Variants in ADAMTS10 observed in about 807,000 individuals in gnomAD.
The protein encoded by ADAMTS10 is ADAM metallopeptidase with thrombospondin type 1 motif 10, also known as A disintegrin and metalloproteinase with thrombospondin motifs 10.
ADAMTS10 carries 48 observed loss-of-function variants against 135.9 expected under a neutral mutation model. That is an observed-to-expected ratio of 0.35 (90% CI 0.28 to 0.45). ADAMTS10 has a LOEUF of 0.45. Ranked by LOEUF, ADAMTS10 falls within the 20% of genes least tolerant of loss-of-function variation. ADAMTS10 has a pLI of 1.00. For missense variants in ADAMTS10, 1,131 were observed against 1,565.2 expected, an observed-to-expected ratio of 0.72 and a Z score of 4.68; for synonymous variants, 621 against 647.5, an observed-to-expected ratio of 0.96 and a Z score of 0.62.
intron 13 of ADAMTS10, 37 bp from the exon 14 acceptor site, chr19:8,592,140 C>T (rs1555739135): frequency 6.2e-7 from 1 of 1,613,180 alleles, no homozygotes; most frequent in Non-Finnish European, 8.5e-7. Flanking sequence ...GAGTCCAGCC[C>T]GGAGGACACT....
intron 12 of ADAMTS10, 60 bp downstream of exon 12, chr19:8,595,702 T>TCCCCCC: frequency 1.1e-6 from 1 of 894,222 alleles, no homozygotes; most frequent in Non-Finnish European, 1.7e-6. Flanking sequence ...TGGAGTTCCC[T>TCCCCCC]CCCCCAGCCC....
chr19:8,595,200 TG>T (rs2042587650), intron 12 of ADAMTS10, among the ~76,000 whole-genome samples: 1 of 152,052 alleles, frequency 6.6e-6, no homozygotes, highest in Non-Finnish European at 1.5e-5. Context: ...TTCAGCTTCC[TG>T]GGGGGAGCTG....
chr19:8,586,304 A>G (rs1555737147), intron 21 of ADAMTS10, 40 bp downstream of exon 21: 2 of 1,613,364 alleles, frequency 1.2e-6, no homozygotes, highest in South Asian at 2.2e-5. Flanking sequence ...AGAGAACCTC[A>G]GCCCAGGTAT....
At chr19:8,597,211 G>A (rs782417967) in intron 7 of ADAMTS10, 23 bp downstream of exon 7, 166 of 1,613,990 alleles carry the variant, frequency 1.0e-4, no homozygotes, top group Non-Finnish European at 1.4e-4. Context: ...AGGGGAAGGG[G>A]AAGGGGAGGA....
chr19:8,588,149 G>A (rs998330462), intron 18 of ADAMTS10, among the ~76,000 whole-genome samples: 10 of 152,108 alleles, frequency 6.6e-5, no homozygotes, highest in African/African-American at 4.8e-5. Context: ...TTGGGATGGT[G>A]AGGCAGGAGA....
Position 8,592,748 on chromosome 19 carries a change from C to G in ADAMTS10, c.1587+15G>C. The G allele has an allele frequency of 6.2e-7, 1 of 1,605,130 alleles. No homozygotes were observed. The highest frequency in any genetic ancestry group is 1.1e-5 in the South Asian group (1 of 90,138). ...AGGGGGCGTGGCCCAGTTGGGGGCC[C>G]TGGCCGGCGCTCACCCCCTTGTCGA... On this transcript the variant is annotated intron_variant, in intron 13 of 25. Coordinates refer to ENST00000597188, the MANE Select transcript of ADAMTS10 (RefSeq NM_030957.4).
rs2042544926 is a variant in ADAMTS10, at chr19:8,592,288, C to T, written c.1588-185G>A. The T allele has an allele frequency of 6.6e-6, 8 of 1,209,856 alleles. No individual in the cohort carries two copies. The South Asian group carries it at 1.2e-4, about 18-fold the overall frequency. 74.9% of individuals were successfully genotyped at this position (1,209,856 alleles called of 1,614,324 possible). A position where few individuals can be genotyped will look rare whatever the true frequency, so the allele number is the denominator to read the frequency against. On this transcript the variant is annotated intron_variant, in intron 13 of 25. Coordinates refer to ENST00000597188, the MANE Select transcript of ADAMTS10 (RefSeq NM_030957.4). ...AGTGGTCTGGGAGACAGACCAGGTA[C>T]AAGCGAGAGGCGTGGCCTGAGCACA... is the stretch of plus-strand genomic sequence containing the variant.
intron 12 of ADAMTS10, 155 bp downstream of exon 12, chr19:8,595,607 T>G: frequency 1.7e-6 from 2 of 1,204,942 alleles, no homozygotes; most frequent in Admixed American, 1.9e-5. Flanking sequence ...TCCATGCACC[T>G]CTGTCCTCCC....
chr19:8,592,613 G>A, intron 13 of ADAMTS10, 150 bp downstream of exon 13: 1 of 799,074 alleles, frequency 1.3e-6, no homozygotes, highest in South Asian at 1.6e-5. Flanking sequence ...CAAGCAGTAG[G>A]CGTGGCCACA....
intron 20 of ADAMTS10, 24 bp downstream of exon 20, chr19:8,586,534 C>T (rs1555737261): frequency 3.1e-6 from 5 of 1,613,228 alleles, no homozygotes; most frequent in Non-Finnish European, 3.4e-6. Context: ...AAAGGCTGCA[C>T]CTTGCCCCCA....
intron 1 of ADAMTS10, among the ~76,000 whole-genome samples, chr19:8,609,929 A>C (rs1425199229): frequency 6.6e-6 from 1 of 151,974 alleles, no homozygotes; most frequent in Non-Finnish European, 1.5e-5. Context: ...AAACACATGG[A>C]GACACACAAC....
At position 8,590,000 on chromosome 19, in the gene ADAMTS10, A is replaced by G; in HGVS notation, c.1798-9T>C. On this transcript the variant is annotated splice_polypyrimidine_tract_variant and intron_variant, in intron 15 of 25. Coordinates refer to ENST00000597188, the MANE Select transcript of ADAMTS10 (RefSeq NM_030957.4). ...GAGCCAGGGGGACAGTCCTGGGGGC[A>G]GGAGAGGAGAGATGGAGGGAGGCCA... The G allele has an allele frequency of 6.2e-7, 1 of 1,605,820 alleles. No individual in the cohort carries two copies. The highest frequency in any genetic ancestry group is 1.1e-5 in the South Asian group (1 of 90,930).
chr19:8,596,032 G>T lies in ADAMTS10; in HGVS notation c.1337+41C>A. 1 of 1,613,998 alleles carries T rather than the reference G, an allele frequency of 6.2e-7. No individual in the cohort carries two copies. The highest frequency in any genetic ancestry group is 8.5e-7 in the Non-Finnish European group (1 of 1,179,930). On this transcript the variant is annotated intron_variant, in intron 11 of 25. Coordinates refer to ENST00000597188, the MANE Select transcript of ADAMTS10 (RefSeq NM_030957.4). This position sits in a 1 kb window ranked among gnomAD's most constrained non-coding sequence, Gnocchi z 7.2. Reference sequence around the variant, plus strand: ...TCTCCCGTGTACCCTGCCCCACCATGAGTGTGACCCGCTCTGAGGGACACC... The same window carrying T: ...TCTCCCGTGTACCCTGCCCCACCATTAGTGTGACCCGCTCTGAGGGACACC...
rs1568392889 is a variant in ADAMTS10 at position 8,586,204 on chromosome 19, C to T, written c.2578G>A (p.Ala860Thr). The change falls in exon 22 of 26, where the codon GCG becomes ACG. Residue 860 changes from alanine (A) to threonine (T), a missense_variant. This residue lies in a region of ADAMTS10 where 745 missense variants were observed against 1,056.3 expected (regional missense o/e 0.71). Coordinates refer to ENST00000597188, the MANE Select transcript of ADAMTS10 (RefSeq NM_030957.4). ...VECRNQLDSS[A>T]VAPHYCSAHS... Reference sequence around the variant, plus strand: ...GCACTGCAGTAGTGGGGGGCGACCGCGGAGCTGTCCAGCTGGTTGCGGCAC... The same window carrying T: ...GCACTGCAGTAGTGGGGGGCGACCGTGGAGCTGTCCAGCTGGTTGCGGCAC... 1 of 1,612,938 alleles carries T rather than the reference C, an allele frequency of 6.2e-7. No homozygotes were observed. Among genetic ancestry groups the T allele is most frequent in the South Asian group, 1.1e-5 (1 of 91,048 alleles).
At chr19:8,584,154 C>CAAAAAAAAAAAAAAAAAAAAAAGAAA (rs2042390957) in intron 25 of ADAMTS10, among the ~76,000 whole-genome samples, 1 of 44,892 alleles carries the variant, frequency 2.2e-5, no homozygotes, top group Non-Finnish European at 4.2e-5. Flanking sequence ...GACTCCATCT[C>CAAAAAAAAAAAAAAAAAAAAAAGAAA]AAAAAAAAAA....
chr19:8,596,908 G>A lies in ADAMTS10; in HGVS notation c.1040+79C>T. The A allele has an allele frequency of 6.3e-7, 1 of 1,594,284 alleles. No individual in the cohort carries two copies. The highest frequency in any genetic ancestry group is 8.5e-7 in the Non-Finnish European group (1 of 1,174,098). On this transcript the variant is annotated intron_variant, in intron 8 of 25. Transcript: ENST00000597188. This position sits in a 1 kb window ranked among gnomAD's most constrained non-coding sequence, Gnocchi z 7.2. Reference sequence around the variant, plus strand: ...TGCTCCTCCTGACCCTAGCAGAAGTGATCTCTGTTTGGACTCTCATGGTTC... The same window carrying A: ...TGCTCCTCCTGACCCTAGCAGAAGTAATCTCTGTTTGGACTCTCATGGTTC...
chr19:8,592,435 C>A (rs1555739261), intron 13 of ADAMTS10, among the ~76,000 whole-genome samples: 1 of 150,352 alleles, frequency 6.7e-6, no homozygotes, highest in Admixed American at 6.6e-5. Flanking sequence ...CCGAGGGCAG[C>A]ACAGGGGATG....
intron 6 of ADAMTS10, among the ~76,000 whole-genome samples, chr19:8,598,699 G>A (rs1024981901): frequency 4.0e-5 from 6 of 149,856 alleles, no homozygotes; most frequent in South Asian, 2.1e-4. Context: ...CTCAGCCTCC[G>A]GAGTAGCTGG....
chr19:8,607,915 A>G (rs537810951), intron 2 of ADAMTS10, among the ~76,000 whole-genome samples: 1 of 143,428 alleles, frequency 7.0e-6, no homozygotes, highest in East Asian at 2.1e-4. Context: ...GGTTCAAGCG[A>G]TTCTCCTGCT....
Sources: allele counts gnomAD v4.1 joint callset (sites outside exome capture counted in the v4.1 genomes callset), GRCh38; gene constraint gnomAD v4.1.1; regional missense constraint gnomAD v4.1.1; non-coding constraint Gnocchi (gnomAD v3.1); transcripts MANE v1.5; gene names NCBI Gene and HGNC (gene_info 2026-07-23, HGNC 2026-07-21).